Variants in BMPER observed in about 807,000 individuals in gnomAD.
BMPER encodes BMP binding endothelial regulator, also known as BMP-binding endothelial regulator protein.
Under a neutral mutation model 87.3 loss-of-function variants are expected in BMPER, and 45 were observed. The ratio of observed to expected loss-of-function variants is 0.52; its 90% confidence interval spans 0.41 to 0.66. The LOEUF (loss-of-function observed/expected upper bound fraction) is 0.66. Ranked by LOEUF, BMPER falls within the 30% of genes least tolerant of loss-of-function variation. BMPER has a pLI of 0.00. For synonymous variants in BMPER, 326 were observed against 316.2 expected, an observed-to-expected ratio of 1.03 and a Z score of -0.33; for missense variants, 784 against 867.5, an observed-to-expected ratio of 0.90 and a Z score of 1.21.
intron 13 of BMPER, among the ~76,000 whole-genome samples, chr7:34,135,741 G>T (rs1333524456): frequency 6.6e-6 from 1 of 151,992 alleles, no homozygotes; most frequent in East Asian, 1.9e-4. Context: ...CTTAGTATTT[G>T]CACAATCCTG....
At chr7:34,074,965 G>T in intron 11 of BMPER, among the ~76,000 whole-genome samples, 1 of 151,736 alleles carries the variant, frequency 6.6e-6, no homozygotes, top group East Asian at 1.9e-4. Context: ...TTTTTGTTTT[G>T]TTGTGTTTGG....
intron 6 of BMPER, among the ~76,000 whole-genome samples, chr7:34,034,920 C>G (rs949750929): frequency 6.6e-6 from 1 of 152,132 alleles, no homozygotes; most frequent in Non-Finnish European, 1.5e-5. Context: ...GTGAACCTCT[C>G]CCTTTCACTG....
chr7:34,127,010 A>G (rs764434070), intron 13 of BMPER, among the ~76,000 whole-genome samples: 2 of 152,248 alleles, frequency 1.3e-5, no homozygotes, highest in South Asian at 2.1e-4. Context: ...CAAAATGCTT[A>G]GTTACTATTT....
rs1307064101 is a variant in BMPER at position 34,086,112 on chromosome 7, G to A, written c.1745+20G>A. On this transcript the variant is annotated intron_variant, in intron 13 of 14. Coordinates refer to ENST00000649409, the MANE Select transcript of BMPER (RefSeq NM_001365308.1). ...CTACCGGTAAGTACAGTGTTCTGGGGAATGGTTTTGGGTTGCAGACCAATA... is the reference window on the plus strand; with the variant it reads ...CTACCGGTAAGTACAGTGTTCTGGGAAATGGTTTTGGGTTGCAGACCAATA... 3.7e-6 allele frequency: 6 copies of A among 1,611,576 alleles called. No homozygotes were observed. The African/African-American group carries it at 8.0e-5, about 22-fold the overall frequency.
chr7:34,056,613 G>A (rs1788292260), intron 9 of BMPER, among the ~76,000 whole-genome samples: 1 of 144,550 alleles, frequency 6.9e-6, no homozygotes, highest in East Asian at 2.0e-4. Context: ...TGTGTGCAAT[G>A]CACTTTTTTT....
At chr7:33,911,036 G>A (rs142493746) in intron 2 of BMPER, among the ~76,000 whole-genome samples, 24 of 152,366 alleles carry the variant, frequency 1.6e-4, no homozygotes, top group African/African-American at 5.3e-4. Flanking sequence ...TAGACCAGAT[G>A]TGTTCAGAGA....
intron 6 of BMPER, among the ~76,000 whole-genome samples, chr7:34,038,944 C>T (rs1324302838): frequency 2.0e-5 from 3 of 152,196 alleles, no homozygotes; most frequent in Non-Finnish European, 2.9e-5. Flanking sequence ...GCATTGGTTT[C>T]AGCACAGACT....
chr7:34,006,789 A>G (rs1786745234), intron 6 of BMPER, among the ~76,000 whole-genome samples: 1 of 152,004 alleles, frequency 6.6e-6, no homozygotes, highest in Admixed American at 6.6e-5. Flanking sequence ...AAGTTCATGA[A>G]TTTGGTGGCC....
At chr7:34,080,813 G>GTT (rs1788993110) in intron 12 of BMPER, among the ~76,000 whole-genome samples, 3 of 152,322 alleles carry the variant, frequency 2.0e-5, no homozygotes, top group Admixed American at 2.0e-4. Flanking sequence ...AACAGCCTAA[G>GTT]AGGTTCGATA....
At chr7:34,002,917 C>T (rs1437270874) in intron 6 of BMPER, among the ~76,000 whole-genome samples, 1 of 151,374 alleles carries the variant, frequency 6.6e-6, no homozygotes, top group Non-Finnish European at 1.5e-5. Context: ...AAGTGTGTCT[C>T]TTGTAGACAG....
intron 13 of BMPER, among the ~76,000 whole-genome samples, chr7:34,094,130 C>T (rs1562739514): frequency 6.6e-6 from 1 of 152,198 alleles, no homozygotes; most frequent in African/African-American, 2.4e-5. Flanking sequence ...ATATCCTGTT[C>T]TGCCATGAGC....
At chr7:34,057,607 G>A (rs1320854154) in intron 9 of BMPER, among the ~76,000 whole-genome samples, 1 of 152,142 alleles carries the variant, frequency 6.6e-6, no homozygotes, top group Non-Finnish European at 1.5e-5. Context: ...GGCACATCTG[G>A]TAATTAACCA....
At chr7:34,069,344 T>C (rs1013565152) in intron 11 of BMPER, among the ~76,000 whole-genome samples, 14 of 152,160 alleles carry the variant, frequency 9.2e-5, no homozygotes, top group Non-Finnish European at 1.9e-4. Flanking sequence ...TCTTTGGAGG[T>C]CACATCTCCT....
intron 11 of BMPER, among the ~76,000 whole-genome samples, chr7:34,067,775 C>T (rs1447351745): frequency 6.6e-6 from 1 of 152,174 alleles, no homozygotes; most frequent in African/African-American, 2.4e-5. Context: ...TGGGAGATCC[C>T]ACACCGGTAG....
rs73316493 is a variant in BMPER, at chr7:34,117,816, C to T, written c.1746-25414C>T. 4.3e-3 allele frequency among the ~76,000 whole-genome samples: 657 copies of T among 152,278 alleles called. 5 individuals are homozygous for T. The highest frequency in any genetic ancestry group is 0.015 in the African/African-American group (633 of 41,556). Reference sequence around the variant, plus strand: ...GTTGCTGTTAGGCCAGTTAAAAAGACACTCTGTTAATGTAATAAGCGCAGG... The same window carrying T: ...GTTGCTGTTAGGCCAGTTAAAAAGATACTCTGTTAATGTAATAAGCGCAGG... On this transcript the variant is annotated intron_variant, in intron 13 of 14. Transcript: ENST00000649409.
chr7:34,099,485 A>G (rs1165070991), intron 13 of BMPER, among the ~76,000 whole-genome samples: 2 of 152,204 alleles, frequency 1.3e-5, no homozygotes, highest in African/African-American at 4.8e-5. Flanking sequence ...CTATTTTGAC[A>G]AAATTGTCAA....
At chr7:34,101,187 T>A (rs1271103033) in intron 13 of BMPER, among the ~76,000 whole-genome samples, 1 of 152,234 alleles carries the variant, frequency 6.6e-6, no homozygotes, top group African/African-American at 2.4e-5. Flanking sequence ...TTGACACTTT[T>A]AATTATCTAT....
rs1186013110 is a variant in BMPER, at chr7:33,970,630, G to T, written c.493+211G>T. Reference sequence around the variant, plus strand: ...ATGTGCTGGAGGTCCTGGCATGGGGGTTCTCCAGGCTCCGAGGCCTGCTTT... The same window carrying T: ...ATGTGCTGGAGGTCCTGGCATGGGGTTTCTCCAGGCTCCGAGGCCTGCTTT... On this transcript the variant is annotated intron_variant, in intron 5 of 14. Transcript: ENST00000649409. Among the ~76,000 whole-genome samples, 12 of 152,254 alleles carry T rather than the reference G, an allele frequency of 7.9e-5. No individual in the cohort carries two copies. The East Asian group carries it at 1.9e-3, about 25-fold the overall frequency.
intron 12 of BMPER, among the ~76,000 whole-genome samples, chr7:34,081,418 G>T (rs1005141581): frequency 6.6e-6 from 1 of 152,242 alleles, no homozygotes; most frequent in Admixed American, 6.5e-5. Flanking sequence ...TGGGAGGAAT[G>T]ACTCTTTGAC....
Sources: gnomAD v4.1 joint callset for allele counts (sites outside exome capture counted in the v4.1 genomes callset) on GRCh38, gnomAD v4.1.1 for gene constraint, MANE v1.5 for transcripts, NCBI Gene and HGNC (gene_info 2026-07-23, HGNC 2026-07-21) for gene names.